The following OTUD6B variants were observed in gnomAD, a reference collection of about 807,000 sequenced individuals.
OTUD6B encodes OTU deubiquitinase 6B, also known as deubiquitinase OTUD6B.
In OTUD6B, 41 loss-of-function variants were observed where a neutral mutation model predicts 36.9. The observed-to-expected ratio is 1.11, with a 90% CI of 0.87 to 1.44. The LOEUF is 1.44. Ranked by LOEUF, OTUD6B falls within the 40% of genes most tolerant of loss-of-function variation. OTUD6B has a pLI of 0.00. For missense variants in OTUD6B, 356 were observed against 344.8 expected (o/e 1.03, Z -0.26); for synonymous variants, 114 against 114.2 (o/e 1.00, Z 0.01).
At chr8:91,073,101 A>G (rs1353468941) in intron 2 of OTUD6B, among the ~76,000 whole-genome samples, 1 of 152,128 alleles carries the variant, frequency 6.6e-6, no homozygotes, top group East Asian at 1.9e-4. Flanking sequence ...TATTTTGATC[A>G]TTTGGGACAC....
At chr8:91,073,768 T>C (rs960274342) in intron 2 of OTUD6B, 63 bp from the exon 3 acceptor site, 6 of 1,471,864 alleles carry the variant, frequency 4.1e-6, no homozygotes, top group Non-Finnish European at 4.6e-6. Flanking sequence ...GGATTAGATA[T>C]ATTTATGATT....
intron 5 of OTUD6B, among the ~76,000 whole-genome samples, chr8:91,082,745 CTTTT>C (rs369648071): frequency 3.6e-5 from 4 of 111,848 alleles, no homozygotes; most frequent in South Asian, 3.1e-4. Context: ...GGTCATATGT[CTTTT>C]TTTTTTTTTT....
chr8:91,071,056 G>A (rs1586201624), intron 1 of OTUD6B, 82 bp from the exon 2 acceptor site: 4 of 1,564,716 alleles, frequency 2.6e-6, no homozygotes, highest in East Asian at 2.3e-5. Context: ...CCCTTCGCCC[G>A]TTACCATCCC....
intron 3 of OTUD6B, 98 bp from the exon 4 acceptor site, chr8:91,078,258 C>T: frequency 6.9e-7 from 1 of 1,448,864 alleles, no homozygotes. Flanking sequence ...AGAATAAACA[C>T]CGGAAAGTTT....
intron 4 of OTUD6B, 30 bp from the exon 5 acceptor site, chr8:91,080,639 A>G (rs1812885605): frequency 1.9e-6 from 3 of 1,563,510 alleles, no homozygotes; most frequent in African/African-American, 1.4e-5. Context: ...AAAAATTATT[A>G]AGTGCTGTAT....
At chr8:91,077,165 A>T (rs1812817576) in intron 3 of OTUD6B, among the ~76,000 whole-genome samples, 1 of 152,038 alleles carries the variant, frequency 6.6e-6, no homozygotes. Context: ...ATTATAAAGC[A>T]GTTTCCGCTT....
chr8:91,073,743 C>G (rs1161352718), intron 2 of OTUD6B, 88 bp from the exon 3 acceptor site: 4 of 1,410,468 alleles, frequency 2.8e-6, no homozygotes, highest in Non-Finnish European at 3.8e-6. Context: ...TGCTGTTACT[C>G]AAATTTGAAA....
intron 2 of OTUD6B, among the ~76,000 whole-genome samples, chr8:91,071,649 T>C (rs548055718): frequency 5.3e-5 from 8 of 152,272 alleles, no homozygotes; most frequent in Non-Finnish European, 1.2e-4. Flanking sequence ...TGCCCGGCCC[T>C]GTTAAACTGT....
chr8:91,084,810 G>C lies in OTUD6B; in HGVS notation c.824G>C (p.Gly275Ala). The change falls in exon 7 of 7, where the codon GGA (glycine) becomes GCA (alanine). Residue 275 changes from glycine (G) to alanine (A), a missense_variant. Gly to Ala is a moderately conservative substitution (Grantham distance 60). Transcript: ENST00000404789. ...TATATGAGACATGCATATGGCTTAGGAGAACATTATAATTCGGTTACACGG... is the reference window on the plus strand; with the variant it reads ...TATATGAGACATGCATATGGCTTAGCAGAACATTATAATTCGGTTACACGG... Reference protein sequence around the residue: ...LVYMRHAYGLGEHYNSVTRLV... With the variant: ...LVYMRHAYGLAEHYNSVTRLV... The C allele has an allele frequency of 1.3e-6, 2 of 1,583,780 alleles. No homozygotes were observed. Among genetic ancestry groups the C allele is most frequent in the Non-Finnish European group, 1.7e-6 (2 of 1,161,712 alleles).
rs564837842 is a variant in OTUD6B at position 91,078,366 on chromosome 8, C to G, written c.326C>G (p.Ala109Gly). 9 of 1,568,490 alleles carry G rather than the reference C, an allele frequency of 5.7e-6. No homozygotes were observed. The South Asian group carries it at 1.1e-4, about 19-fold the overall frequency. The stretch of plus-strand genomic sequence containing the variant: ...TTCTGCTTTTCTTAGGAAAAGAAAG[C>G]TGCATTGGAAAAGGAGCGAGAAGAA... ...SKAQKRREKK[A>G]ALEKEREERI... The change falls in exon 4 of 7, where the codon GCT becomes GGT. Residue 109 changes from alanine (A) to glycine (G), a missense_variant. Coordinates refer to ENST00000404789, the MANE Select transcript of OTUD6B (RefSeq NM_016023.5).
At chr8:91,080,591 T>G (rs1174043968) in intron 4 of OTUD6B, 78 bp from the exon 5 acceptor site, 3 of 1,512,428 alleles carry the variant, frequency 2.0e-6, no homozygotes, top group Non-Finnish European at 2.7e-6. Flanking sequence ...TGTCAGGAAT[T>G]GTGGGAACTA....
In OTUD6B at chr8:91,076,446, G is replaced by A. The variant is rs530397436; in HGVS notation, c.316-1910G>A. On this transcript the variant is annotated intron_variant, in intron 3 of 6. Coordinates refer to ENST00000404789, the MANE Select transcript of OTUD6B (RefSeq NM_016023.5). ...GCTTTGTTCTAATGAAGCAAAGCAT[G>A]AAGGGAAAAAAATGAAATGATTAGA... 3,187 of 1,406,710 alleles carry A rather than the reference G, an allele frequency of 2.3e-3. 6 individuals carry two copies. The highest frequency in any genetic ancestry group is 2.6e-3 in the Non-Finnish European group (2,742 of 1,068,254). The allele number at this position is 1,406,710 out of a possible 1,614,324, so 87.1% of individuals were successfully genotyped here.
intron 3 of OTUD6B, among the ~76,000 whole-genome samples, chr8:91,075,833 A>T (rs1403628064): frequency 6.6e-6 from 1 of 152,138 alleles, no homozygotes; most frequent in Non-Finnish European, 1.5e-5. Flanking sequence ...TCATTTAATT[A>T]ATGATGTTTA....
At chr8:91,077,210 A>G (rs1812818361) in intron 3 of OTUD6B, among the ~76,000 whole-genome samples, 1 of 151,926 alleles carries the variant, frequency 6.6e-6, no homozygotes. Flanking sequence ...AGAGAATTAG[A>G]AAGATGCAGA....
In OTUD6B at chr8:91,070,508, G is replaced by A. The variant is rs142391844; in HGVS notation, c.82+42G>A. 2.0e-3 allele frequency: 3,098 copies of A among 1,542,924 alleles called. 20 individuals carry two copies. The Middle Eastern group carries it at 0.023, about 11-fold the overall frequency. ...TGGGAATCTGGAAGCCGCCGCGACTGGGGGAAGGGCGCGTGGCGGGTCGAT... is the reference window on the plus strand; with the variant it reads ...TGGGAATCTGGAAGCCGCCGCGACTAGGGGAAGGGCGCGTGGCGGGTCGAT... On this transcript the variant is annotated intron_variant, in intron 1 of 6. Coordinates refer to ENST00000404789, the MANE Select transcript of OTUD6B (RefSeq NM_016023.5).
chr8:91,073,699 G>A, intron 2 of OTUD6B, 132 bp from the exon 3 acceptor site: 2 of 1,221,686 alleles, frequency 1.6e-6, no homozygotes, highest in South Asian at 2.2e-5. Context: ...ATAGAAACAG[G>A]AGACAAAACC....
At chr8:91,072,467 T>TTCTTATGTC (rs1341597446) in intron 2 of OTUD6B, among the ~76,000 whole-genome samples, 2 of 152,218 alleles carry the variant, frequency 1.3e-5, no homozygotes, top group Non-Finnish European at 2.9e-5. Context: ...TGATAGAAAG[T>TTCTTATGTC]TCTTATGTCT....
intron 1 of OTUD6B, 64 bp downstream of exon 1, chr8:91,070,530 C>T (rs1467896051): frequency 1.4e-6 from 2 of 1,458,304 alleles, no homozygotes; most frequent in East Asian, 2.5e-5. Flanking sequence ...CGTGGCGGGT[C>T]GATTCTGGGG....
intron 6 of OTUD6B, among the ~76,000 whole-genome samples, chr8:91,084,450 A>G (rs953914839): frequency 6.6e-6 from 1 of 152,156 alleles, no homozygotes; most frequent in Non-Finnish European, 1.5e-5. Context: ...CTCTTCTGAA[A>G]TACAGCATGC....
Sources: allele counts gnomAD v4.1 joint callset (sites outside exome capture counted in the v4.1 genomes callset), GRCh38; gene constraint gnomAD v4.1.1; transcripts MANE v1.5; gene names NCBI Gene and HGNC (gene_info 2026-07-23, HGNC 2026-07-21).